SLC24A2: variants seen among roughly 807,000 people sequenced by gnomAD.
SLC24A2 encodes solute carrier family 24 member 2, also known as sodium/potassium/calcium exchanger 2.
A neutral mutation model predicts 62.0 loss-of-function variants in SLC24A2; 36 were observed. The observed-to-expected ratio is 0.58, with a 90% confidence interval of 0.44 to 0.77. SLC24A2 has a LOEUF of 0.77. Ranked by LOEUF, SLC24A2 falls within the 30% of genes least tolerant of loss-of-function variation. The pLI, the probability that SLC24A2 is intolerant of heterozygous loss-of-function variation, is 0.00. For missense variants in SLC24A2, 846 were observed against 817.9 expected (o/e 1.03, Z -0.42); for synonymous variants, 358 against 294.0 (o/e 1.22, Z -2.23).
the SLC24A2 span, among the ~76,000 whole-genome samples, chr9:19,880,596 A>G: frequency 6.6e-6 from 1 of 152,204 alleles, no homozygotes; most frequent in African/African-American, 2.4e-5. Context: ...GCTACAGAAA[A>G]GGTGAAAAAA....
At chr9:19,535,415 G>C (rs897227450) in intron 8 of SLC24A2, among the ~76,000 whole-genome samples, 15 of 152,260 alleles carry the variant, frequency 9.9e-5, no homozygotes, top group African/African-American at 3.1e-4. Context: ...TTTTAGACAT[G>C]AAGTCTTTCC....
the SLC24A2 span, among the ~76,000 whole-genome samples, chr9:20,081,541 A>G: frequency 4.0e-5 from 6 of 151,564 alleles, no homozygotes; most frequent in African/African-American, 1.5e-4. Flanking sequence ...ATGATGAGTT[A>G]ATGGGTGCAG....
intron 2 of SLC24A2, among the ~76,000 whole-genome samples, chr9:19,741,119 T>A (rs930965489): frequency 6.6e-6 from 1 of 152,216 alleles, no homozygotes; most frequent in Admixed American, 6.6e-5. Flanking sequence ...GTTTGGTTTC[T>A]GCTGCTGCCA....
At chr9:19,995,832 G>T in the SLC24A2 span, among the ~76,000 whole-genome samples, 1,977 of 152,250 alleles carry the variant, frequency 0.013, 39 homozygotes, top group African/African-American at 0.04. Context: ...CAACAGATGG[G>T]GCAGGCATCA....
chr9:19,796,004 A>G, the SLC24A2 span, among the ~76,000 whole-genome samples: 1 of 151,756 alleles, frequency 6.6e-6, no homozygotes, highest in East Asian at 1.9e-4. Flanking sequence ...CATCATTCTC[A>G]GCAAACTATC....
At chr9:20,265,635 G>T in the SLC24A2 span, among the ~76,000 whole-genome samples, 2 of 152,220 alleles carry the variant, frequency 1.3e-5, no homozygotes, top group African/African-American at 4.8e-5. Flanking sequence ...TGCACAAATT[G>T]TTTGTAGAGC....
chr9:19,854,231 T>G, the SLC24A2 span, among the ~76,000 whole-genome samples: 1 of 152,312 alleles, frequency 6.6e-6, no homozygotes, highest in Admixed American at 6.5e-5. Flanking sequence ...ATCTATTTGA[T>G]TAATTTTTTC....
At chr9:19,935,107 A>G in the SLC24A2 span, among the ~76,000 whole-genome samples, 1 of 151,822 alleles carries the variant, frequency 6.6e-6, no homozygotes, top group Non-Finnish European at 1.5e-5. Flanking sequence ...GTCACGGGGC[A>G]GGATGGGTGG....
intron 9 of SLC24A2, among the ~76,000 whole-genome samples, chr9:19,521,643 C>T (rs1833204550): frequency 6.6e-6 from 1 of 152,158 alleles, no homozygotes; most frequent in African/African-American, 2.4e-5. Flanking sequence ...AATCAGAGGA[C>T]CTGGGTCCAA....
At chr9:19,814,563 G>C in the SLC24A2 span, among the ~76,000 whole-genome samples, 13 of 152,242 alleles carry the variant, frequency 8.5e-5, no homozygotes, top group African/African-American at 3.1e-4. Flanking sequence ...CCTCAGAAAT[G>C]AATCTTCCAG....
chr9:20,087,896 T>TCC, the SLC24A2 span, among the ~76,000 whole-genome samples: 2 of 151,958 alleles, frequency 1.3e-5, no homozygotes, highest in African/African-American at 4.8e-5. Flanking sequence ...TAGAGGAGCG[T>TCC]CCCCTACCCA....
chr9:19,947,361 G>A, the SLC24A2 span, among the ~76,000 whole-genome samples: 1 of 151,022 alleles, frequency 6.6e-6, no homozygotes, highest in African/African-American at 2.4e-5. Context: ...AGGAAGGAAG[G>A]AAGGAAAGAA....
the SLC24A2 span, among the ~76,000 whole-genome samples, chr9:19,986,119 A>G: frequency 6.6e-6 from 1 of 152,174 alleles, no homozygotes; most frequent in Non-Finnish European, 1.5e-5. Flanking sequence ...AAATAGGCAA[A>G]GGACTTAAAT....
At chr9:20,134,290 T>C in the SLC24A2 span, among the ~76,000 whole-genome samples, 1 of 152,166 alleles carries the variant, frequency 6.6e-6, no homozygotes, top group Non-Finnish European at 1.5e-5. Flanking sequence ...AAGAAATACA[T>C]ATAACAAAGT....
At chr9:20,263,461 C>G in the SLC24A2 span, among the ~76,000 whole-genome samples, 1 of 152,042 alleles carries the variant, frequency 6.6e-6, no homozygotes, top group South Asian at 2.1e-4. Context: ...GTTTCCAGGG[C>G]TGGTCTCAAA....
At chr9:19,970,222 G>A in the SLC24A2 span, among the ~76,000 whole-genome samples, 14 of 152,142 alleles carry the variant, frequency 9.2e-5, no homozygotes, top group African/African-American at 3.4e-4. Context: ...GAAAGTGGAA[G>A]GGAACCCTTT....
At chr9:19,677,221 C>T (rs1053453756) in intron 2 of SLC24A2, among the ~76,000 whole-genome samples, 27 of 152,152 alleles carry the variant, frequency 1.8e-4, no homozygotes, top group African/African-American at 4.3e-4. Flanking sequence ...AAATGTAGTA[C>T]GTATACACAA....
At chr9:19,956,481 T>C in the SLC24A2 span, among the ~76,000 whole-genome samples, 1 of 152,158 alleles carries the variant, frequency 6.6e-6, no homozygotes, top group Non-Finnish European at 1.5e-5. Context: ...TTCACGCTGA[T>C]AAAGACATAT....
chr9:20,087,984 C>T, the SLC24A2 span, among the ~76,000 whole-genome samples: 2 of 152,166 alleles, frequency 1.3e-5, no homozygotes, highest in African/African-American at 2.4e-5. Flanking sequence ...TCAGGAGATC[C>T]CCTCGTGAAT....
Sources: allele counts gnomAD v4.1 joint callset (sites outside exome capture counted in the v4.1 genomes callset), GRCh38; gene constraint gnomAD v4.1.1; transcripts MANE v1.5; gene names NCBI Gene and HGNC (gene_info 2026-07-23, HGNC 2026-07-21).